TXNDC11: variants seen among roughly 807,000 people sequenced by gnomAD.
The protein encoded by TXNDC11 is thioredoxin domain-containing protein 11.
TXNDC11 carries 68 observed loss-of-function variants against 78.0 expected under a neutral mutation model. The ratio of observed to expected loss-of-function variants is 0.87; its 90% CI spans 0.72 to 1.07. The LOEUF is 1.07. Among genes scored for constraint, TXNDC11 ranks in the 50% least tolerant of loss-of-function variants. The probability of loss-of-function intolerance (pLI) is 0.00; values close to 1 mark genes in which losing one functional copy is unlikely to be tolerated. For synonymous variants in TXNDC11, 571 were observed against 495.2 expected, an observed-to-expected ratio of 1.15 and a Z score of -2.03; for missense variants, 1,389 against 1,221.8, an observed-to-expected ratio of 1.14 and a Z score of -2.04.
At chr16:11,698,488 G>C (rs1162449747) in intron 6 of TXNDC11, among the ~76,000 whole-genome samples, 163 bp from the exon 7 acceptor site, 2 of 152,246 alleles carry the variant, frequency 1.3e-5, no homozygotes, top group Non-Finnish European at 2.9e-5. Flanking sequence ...TCCAGAGACA[G>C]CATTTCCTCA....
intron 10 of TXNDC11, among the ~76,000 whole-genome samples, chr16:11,685,806 C>G (rs1396351189): frequency 6.6e-6 from 1 of 152,164 alleles, no homozygotes; most frequent in Non-Finnish European, 1.5e-5. Flanking sequence ...TGGGAGTGAA[C>G]ACTATATTCC....
In TXNDC11 at chr16:11,736,078, C is replaced by A; in HGVS notation, c.410G>T (p.Cys137Phe). ...VVLLFFYAPWCGQSIAARAEI... is the reference protein window; with the variant it reads ...VVLLFFYAPWFGQSIAARAEI... Reference sequence around the variant, plus strand: ...TGCCCTGGCAGCGATGGACTGTCCACACCAAGGGGCATAGAAGAAGAGCAG... The same window carrying A: ...TGCCCTGGCAGCGATGGACTGTCCAAACCAAGGGGCATAGAAGAAGAGCAG... Residue 137 changes from cysteine to phenylalanine, a missense_variant, in exon 2 of 12, where the codon TGT becomes TTT. Transcript: ENST00000283033. The A allele has an allele frequency of 6.2e-7, 1 of 1,614,178 alleles. No homozygotes were observed. Among genetic ancestry groups the A allele is most frequent in the Non-Finnish European group, 8.5e-7 (1 of 1,180,040 alleles).
intron 5 of TXNDC11, among the ~76,000 whole-genome samples, chr16:11,718,961 A>G (rs1326188821): frequency 3.3e-5 from 5 of 152,174 alleles, no homozygotes; most frequent in African/African-American, 7.2e-5. Flanking sequence ...TATCTATTTT[A>G]TTTATCACTA....
At chr16:11,741,367 T>C (rs1423173131) in intron 1 of TXNDC11, among the ~76,000 whole-genome samples, 1 of 152,218 alleles carries the variant, frequency 6.6e-6, no homozygotes, top group Non-Finnish European at 1.5e-5. Flanking sequence ...AAATTTTGTA[T>C]GTGTGTACAT....
At position 11,742,630 on chromosome 16, in the gene TXNDC11, C is replaced by T. The variant is rs771723283; in HGVS notation, c.101G>A (p.Ser34Asn). Residue 34 changes from serine (S) to asparagine (N), a missense_variant, in exon 1 of 12, where the codon AGC becomes AAC. By Grantham distance (46) the Ser-to-Asn change is conservative. Coordinates refer to ENST00000283033, the MANE Select transcript of TXNDC11 (RefSeq NM_015914.7). ...CGCTGTGGCCAGGGTCGGGCTCGAG[C>T]TGAGGCAGTCTGAGCCCGCGGGGCC... ...GGGPAGSDCL[S>N]SSPTLATASS... 2 of 1,461,062 alleles carry T rather than the reference C, an allele frequency of 1.4e-6. No homozygotes were observed. The highest frequency in any genetic ancestry group is 6.0e-5 in the East Asian group (2 of 33,096). 90.5% of individuals were successfully genotyped at this position (1,461,062 alleles called of 1,614,324 possible).
chr16:11,730,861 C>A, intron 3 of TXNDC11, 87 bp from the exon 4 acceptor site: 1 of 1,022,770 alleles, frequency 9.8e-7, no homozygotes, highest in African/African-American at 1.7e-5. Flanking sequence ...AAAATCATCA[C>A]CACCACAAAA....
intron 5 of TXNDC11, among the ~76,000 whole-genome samples, chr16:11,707,242 C>T (rs922336037): frequency 6.6e-6 from 1 of 151,822 alleles, no homozygotes; most frequent in Admixed American, 6.6e-5. Context: ...GCCTGGCCAA[C>T]CTGGTGAAAC....
chr16:11,681,562 A>G (rs1459252460), intron 11 of TXNDC11, among the ~76,000 whole-genome samples: 2 of 152,168 alleles, frequency 1.3e-5, no homozygotes, highest in Admixed American at 6.5e-5. Flanking sequence ...CCCCATGTCT[A>G]TGCAACTCTC....
chr16:11,701,853 C>A (rs1420062013), intron 5 of TXNDC11, among the ~76,000 whole-genome samples: 1 of 151,946 alleles, frequency 6.6e-6, no homozygotes, highest in African/African-American at 2.4e-5. Flanking sequence ...GCTGCTGTAC[C>A]GACTACAAGA....
intron 10 of TXNDC11, among the ~76,000 whole-genome samples, chr16:11,684,810 G>A (rs986652139): frequency 8.5e-5 from 13 of 152,232 alleles, no homozygotes; most frequent in African/African-American, 1.4e-4. Context: ...CCGGGCAGCT[G>A]GCACAGAGCT....
At chr16:11,722,631 A>C (rs567423299) in intron 4 of TXNDC11, among the ~76,000 whole-genome samples, 1 of 152,290 alleles carries the variant, frequency 6.6e-6, no homozygotes, top group Admixed American at 6.5e-5. Flanking sequence ...CTGATGTGGA[A>C]ATAGGAACAA....
At chr16:11,686,208 TC>T (rs1194356454) in intron 10 of TXNDC11, among the ~76,000 whole-genome samples, 1 of 152,230 alleles carries the variant, frequency 6.6e-6, no homozygotes, top group Non-Finnish European at 1.5e-5. Context: ...TCCGCCCACC[TC>T]GGCCTCCCAA....
At chr16:11,717,151 C>T (rs575260129) in intron 5 of TXNDC11, among the ~76,000 whole-genome samples, 10 of 150,186 alleles carry the variant, frequency 6.7e-5, no homozygotes, top group African/African-American at 2.4e-4. Context: ...GAAGGCCAGG[C>T]GCAGTGGCTT....
chr16:11,742,354 C>T, intron 1 of TXNDC11, 123 bp downstream of exon 1: 1 of 751,974 alleles, frequency 1.3e-6, no homozygotes, highest in Non-Finnish European at 1.9e-6. Flanking sequence ...GAGGGGTCAG[C>T]CGTCCTGGGC....
chr16:11,697,466 G>T (rs115243475), intron 7 of TXNDC11, among the ~76,000 whole-genome samples: 13 of 152,220 alleles, frequency 8.5e-5, no homozygotes, highest in Admixed American at 7.2e-4. Flanking sequence ...CTCCAGGCTC[G>T]CTCTGCAAAA....
intron 5 of TXNDC11, among the ~76,000 whole-genome samples, chr16:11,714,464 C>T (rs2051465667): frequency 6.6e-6 from 1 of 152,054 alleles, no homozygotes; most frequent in Non-Finnish European, 1.5e-5. Flanking sequence ...ACGGTGAAAC[C>T]CCGTCTCTAC....
At chr16:11,696,238 G>A (rs141275439) in intron 7 of TXNDC11, among the ~76,000 whole-genome samples, 12 of 152,030 alleles carry the variant, frequency 7.9e-5, no homozygotes, top group East Asian at 3.9e-4. Flanking sequence ...CCTCCTTCCC[G>A]TAAGTTTTTC....
At chr16:11,711,313 T>C (rs2051348198) in intron 5 of TXNDC11, among the ~76,000 whole-genome samples, 1 of 152,168 alleles carries the variant, frequency 6.6e-6, no homozygotes, top group Non-Finnish European at 1.5e-5. Context: ...TTCGTGTTGT[T>C]GCTGTAACAA....
chr16:11,691,077 AT>A (rs2050700506), intron 8 of TXNDC11: 1 of 565,434 alleles, frequency 1.8e-6, no homozygotes, highest in Non-Finnish European at 3.1e-6. Flanking sequence ...TGACAAACTT[AT>A]CCAAAATTCA....
Sources: gnomAD v4.1 joint callset for allele counts (sites outside exome capture counted in the v4.1 genomes callset) on GRCh38, gnomAD v4.1.1 for gene constraint, MANE v1.5 for transcripts, NCBI Gene and HGNC (gene_info 2026-07-23, HGNC 2026-07-21) for gene names.